JAZF1: variants seen among roughly 807,000 people sequenced by gnomAD.
The protein encoded by JAZF1 is juxtaposed with another zinc finger protein 1.
In JAZF1, 8 loss-of-function variants were observed where a neutral mutation model predicts 26.4. The ratio of observed to expected loss-of-function variants is 0.30; its 90% CI spans 0.18 to 0.55. The LOEUF (loss-of-function observed/expected upper bound fraction) is 0.55. Among genes scored for constraint, JAZF1 ranks in the 20% least tolerant of loss-of-function variants. The pLI is 0.94. For missense variants in JAZF1, 199 were observed against 322.0 expected, an observed-to-expected ratio of 0.62 and a Z score of 2.92; for synonymous variants, 126 against 122.3, an observed-to-expected ratio of 1.03 and a Z score of -0.20.
intron 3 of JAZF1, among the ~76,000 whole-genome samples, chr7:27,876,055 G>A (rs1012304303): frequency 3.9e-5 from 6 of 152,194 alleles, no homozygotes; most frequent in Non-Finnish European, 8.8e-5. Context: ...GTTACCTAAT[G>A]TCTCTTACCT....
intron 1 of JAZF1, among the ~76,000 whole-genome samples, chr7:28,029,160 G>A (rs554980025): frequency 2.0e-5 from 3 of 152,218 alleles, no homozygotes; most frequent in South Asian, 2.1e-4. Flanking sequence ...GGATGGCCCC[G>A]GGGAGGAATA....
intron 1 of JAZF1, among the ~76,000 whole-genome samples, chr7:28,105,184 A>G (rs1207257991): frequency 6.6e-6 from 1 of 152,194 alleles, no homozygotes; most frequent in Non-Finnish European, 1.5e-5. Context: ...TCTCCTCTCA[A>G]TGCCAAAGTC....
At chr7:28,172,738 C>T (rs1783489823) in intron 1 of JAZF1, among the ~76,000 whole-genome samples, 1 of 152,126 alleles carries the variant, frequency 6.6e-6, no homozygotes, top group Admixed American at 6.5e-5. Context: ...TCTCTCTGAC[C>T]CTCCCCTTTG....
intron 2 of JAZF1, among the ~76,000 whole-genome samples, chr7:27,908,949 T>G (rs1487557180): frequency 6.6e-6 from 1 of 152,224 alleles, no homozygotes; most frequent in Admixed American, 6.5e-5. Context: ...CTGGCACCTG[T>G]TGAATATGTT....
chr7:27,918,300 C>T (rs929357192), intron 2 of JAZF1, among the ~76,000 whole-genome samples: 1 of 152,164 alleles, frequency 6.6e-6, no homozygotes, highest in African/African-American at 2.4e-5. Context: ...ATCCTGATTA[C>T]CCTTCAAGCT....
At position 27,966,488 on chromosome 7, in the gene JAZF1, G is replaced by A. The variant is rs117230183; in HGVS notation, c.188+25421C>T. Among the ~76,000 whole-genome samples, 17 of 152,288 alleles carry A rather than the reference G, an allele frequency of 1.1e-4. No homozygotes were observed. The East Asian group carries it at 3.1e-3, about 28-fold the overall frequency. On this transcript the variant is annotated intron_variant, in intron 2 of 4. Coordinates refer to ENST00000283928, the MANE Select transcript of JAZF1 (RefSeq NM_175061.4). Reference sequence around the variant, plus strand: ...CACAAGTGAGAAAAACACAATTCAAGGCTGACCCTGGACACAGTCAAGTTC... The same window carrying A: ...CACAAGTGAGAAAAACACAATTCAAAGCTGACCCTGGACACAGTCAAGTTC...
intron 2 of JAZF1, among the ~76,000 whole-genome samples, chr7:27,957,541 A>G (rs79405405): frequency 6.6e-6 from 1 of 152,184 alleles, no homozygotes; most frequent in Non-Finnish European, 1.5e-5. Flanking sequence ...TCAAAAGTAC[A>G]TTCAAACGGA....
chr7:28,061,387 C>T (rs1783794934), intron 1 of JAZF1, among the ~76,000 whole-genome samples: 1 of 152,196 alleles, frequency 6.6e-6, no homozygotes, highest in Non-Finnish European at 1.5e-5. Flanking sequence ...TATGAAACCT[C>T]TGTTTAAGAA....
At chr7:28,159,498 G>A (rs371622700) in intron 1 of JAZF1, among the ~76,000 whole-genome samples, 3 of 151,942 alleles carry the variant, frequency 2.0e-5, no homozygotes, top group East Asian at 1.9e-4. Flanking sequence ...TCGAGGGGGC[G>A]TGGGCAGGAG....
intron 4 of JAZF1, among the ~76,000 whole-genome samples, chr7:27,835,664 C>T (rs1201098018): frequency 6.6e-6 from 1 of 152,134 alleles, no homozygotes; most frequent in Non-Finnish European, 1.5e-5. Context: ...AATGTTAGTA[C>T]AAGGTCAAGT....
At chr7:28,003,008 A>G (rs1782631989) in intron 1 of JAZF1, among the ~76,000 whole-genome samples, 1 of 152,084 alleles carries the variant, frequency 6.6e-6, no homozygotes, top group South Asian at 2.1e-4. Context: ...GCTCTATACT[A>G]CTCTTGAACT....
At chr7:28,007,560 C>T (rs965166238) in intron 1 of JAZF1, among the ~76,000 whole-genome samples, 1 of 151,340 alleles carries the variant, frequency 6.6e-6, no homozygotes, top group African/African-American at 2.4e-5. Flanking sequence ...CAGAGTGAGA[C>T]TCCATCTCAA....
intron 1 of JAZF1, 66 bp downstream of exon 1, chr7:28,180,397 G>C: frequency 8.7e-7 from 1 of 1,146,248 alleles, no homozygotes. Flanking sequence ...TGGCCATTCC[G>C]GGGCTCCCCG....
At chr7:27,856,519 TGCTGATTGGTCCATTTTACAGAGA>T (rs1442093639) in intron 3 of JAZF1, among the ~76,000 whole-genome samples, 1 of 152,232 alleles carries the variant, frequency 6.6e-6, no homozygotes, top group Admixed American at 6.5e-5. Context: ...ACCCACATCC[TGCTGATTGGTCCATTTTACAGAGA>T]GCTGATTGGT....
chr7:28,023,378 G>A (rs929666768), intron 1 of JAZF1, among the ~76,000 whole-genome samples: 1 of 152,222 alleles, frequency 6.6e-6, no homozygotes, highest in Admixed American at 6.5e-5. Flanking sequence ...CATAAATGAG[G>A]ATGTAAGTAA....
intron 3 of JAZF1, among the ~76,000 whole-genome samples, chr7:27,888,999 C>T (rs898803074): frequency 1.1e-4 from 17 of 152,120 alleles, no homozygotes; most frequent in Admixed American, 5.2e-4. Context: ...GTCAAGGAAA[C>T]GGATTACAGT....
At chr7:27,929,425 G>A (rs905397210) in intron 2 of JAZF1, among the ~76,000 whole-genome samples, 1 of 152,250 alleles carries the variant, frequency 6.6e-6, no homozygotes, top group Non-Finnish European at 1.5e-5. Context: ...AATGAAGTGA[G>A]GGTCAGCCTG....
intron 1 of JAZF1, among the ~76,000 whole-genome samples, chr7:28,094,963 T>C (rs561273535): frequency 6.6e-6 from 1 of 152,112 alleles, no homozygotes; most frequent in South Asian, 2.1e-4. Flanking sequence ...AGAAGCTCCA[T>C]CCAGAAAAAC....
chr7:27,849,491 T>C (rs1199370366), intron 3 of JAZF1, among the ~76,000 whole-genome samples: 1 of 152,210 alleles, frequency 6.6e-6, no homozygotes, highest in African/African-American at 2.4e-5. Context: ...CTCATCTTTC[T>C]TGGGTTGAGT....
Sources: gnomAD v4.1 joint callset for allele counts (sites outside exome capture counted in the v4.1 genomes callset) on GRCh38, gnomAD v4.1.1 for gene constraint, MANE v1.5 for transcripts, NCBI Gene and HGNC (gene_info 2026-07-23, HGNC 2026-07-21) for gene names.